SDK1: variants seen among roughly 807,000 people sequenced by gnomAD.
SDK1 encodes sidekick cell adhesion molecule 1, also known as protein sidekick-1.
A neutral mutation model predicts 245.5 loss-of-function variants in SDK1; 157 were observed. That is an observed-to-expected ratio of 0.64 (90% CI 0.56 to 0.73). SDK1 has a LOEUF of 0.73. Ranked by LOEUF, SDK1 falls within the 30% of genes least tolerant of loss-of-function variation. The pLI is 0.00. For synonymous variants in SDK1, 1,647 were observed against 1,278.5 expected (o/e 1.29, Z -6.15); for missense variants, 3,583 against 3,002.3 (o/e 1.19, Z -4.52).
intron 1 of SDK1, among the ~76,000 whole-genome samples, chr7:3,561,149 C>T (rs1203249403): frequency 6.6e-6 from 1 of 152,106 alleles, no homozygotes; most frequent in Non-Finnish European, 1.5e-5. Flanking sequence ...CACCTGTTAC[C>T]TAAGAGACCT....
At chr7:3,925,540 C>T (rs995172927) in intron 5 of SDK1, among the ~76,000 whole-genome samples, 6 of 152,156 alleles carry the variant, frequency 3.9e-5, no homozygotes, top group African/African-American at 9.7e-5. Flanking sequence ...GACAGATGAA[C>T]GCATGCAGGA....
At chr7:3,396,512 G>C (rs1266979924) in intron 1 of SDK1, among the ~76,000 whole-genome samples, 1 of 151,558 alleles carries the variant, frequency 6.6e-6, no homozygotes, top group African/African-American at 2.4e-5. Context: ...CTTTAATTTT[G>C]TCAGTTTTAG....
At chr7:4,070,550 T>C (rs375471359) in intron 20 of SDK1, among the ~76,000 whole-genome samples, 82 of 152,148 alleles carry the variant, frequency 5.4e-4, no homozygotes, top group African/African-American at 1.8e-3. Flanking sequence ...GTGACCTCTT[T>C]CTACACAGAA....
rs532791231 is a variant in SDK1 at position 3,997,952 on chromosome 7, C to A, written c.2131+10630C>A. ...AGCAGTGAGAGCAGGCACTTCCAAG[C>A]CTGCGAGGGCAGGGGGTCTTCCTGG... On this transcript the variant is annotated intron_variant, in intron 14 of 44. Transcript: ENST00000404826. Among the ~76,000 whole-genome samples the A allele has an allele frequency of 7.9e-5, 12 of 152,348 alleles. No homozygotes were observed. The South Asian group carries it at 2.5e-3, about 32-fold the overall frequency.
chr7:4,141,117 A>G (rs974891050), intron 28 of SDK1, among the ~76,000 whole-genome samples: 1 of 152,334 alleles, frequency 6.6e-6, no homozygotes, highest in Non-Finnish European at 1.5e-5. Context: ...AACCCGAGGC[A>G]GTGTATCCTC....
At chr7:4,103,772 T>C (rs897092013) in intron 22 of SDK1, among the ~76,000 whole-genome samples, 4 of 152,176 alleles carry the variant, frequency 2.6e-5, no homozygotes, top group Admixed American at 6.5e-5. Context: ...TGATGACACA[T>C]GTGGTGAGAG....
At chr7:4,221,404 G>A (rs562518258) in intron 40 of SDK1, 40 bp downstream of exon 40, 108 of 1,565,452 alleles carry the variant, frequency 6.9e-5, no homozygotes, top group Middle Eastern at 3.6e-4. Flanking sequence ...TCAGCCCAGC[G>A]GACGGCAGTG....
intron 4 of SDK1, among the ~76,000 whole-genome samples, chr7:3,678,465 G>T (rs958445095): frequency 7.9e-5 from 12 of 152,316 alleles, no homozygotes; most frequent in Non-Finnish European, 1.5e-4. Context: ...GAAAAATGCT[G>T]CATCACGTGG....
intron 4 of SDK1, among the ~76,000 whole-genome samples, chr7:3,663,024 A>C (rs549326432): frequency 2.6e-5 from 4 of 152,366 alleles, no homozygotes; most frequent in African/African-American, 9.6e-5. Context: ...GTGTATGCAT[A>C]TATGTGTGTA....
At position 3,529,718 on chromosome 7, in the gene SDK1, T is replaced by C. The variant is rs368721584; in HGVS notation, c.299-89362T>C. Among the ~76,000 whole-genome samples the C allele has an allele frequency of 6.3e-4, 96 of 152,242 alleles. 3 individuals carry two copies. In the South Asian group the frequency reaches 0.02, roughly 31 times the overall value. On this transcript the variant is annotated intron_variant, in intron 1 of 44. Coordinates refer to ENST00000404826, the MANE Select transcript of SDK1 (RefSeq NM_152744.4). ...AGGATGTTTGATGAGAAACAGAATA[T>C]TGATGTAGTCTTGAGATATCTCCCC...
intron 4 of SDK1, among the ~76,000 whole-genome samples, chr7:3,680,624 T>G (rs1419834881): frequency 6.6e-6 from 1 of 152,180 alleles, no homozygotes; most frequent in Non-Finnish European, 1.5e-5. Context: ...TATCTTCTTA[T>G]GAATTATTAT....
intron 22 of SDK1, among the ~76,000 whole-genome samples, chr7:4,098,724 C>T (rs1782328857): frequency 6.6e-6 from 1 of 151,454 alleles, no homozygotes; most frequent in South Asian, 2.1e-4. Flanking sequence ...AGTGCAGTGG[C>T]ACAATCTTGG....
At chr7:3,893,955 A>G (rs1429260348) in intron 5 of SDK1, among the ~76,000 whole-genome samples, 2 of 152,180 alleles carry the variant, frequency 1.3e-5, no homozygotes, top group African/African-American at 2.4e-5. Flanking sequence ...ACTGCCTGTG[A>G]TGTCCCTGCT....
Position 4,004,752 on chromosome 7 carries a change from T to A in SDK1, c.2132-6214T>A, listed in dbSNP as rs1426320675. 2.0e-5 allele frequency among the ~76,000 whole-genome samples: 3 copies of A among 152,220 alleles called. No individual in the cohort carries two copies. In the East Asian group the frequency reaches 5.8e-4, roughly 29 times the overall value. On this transcript the variant is annotated intron_variant, in intron 14 of 44. Coordinates refer to ENST00000404826, the MANE Select transcript of SDK1 (RefSeq NM_152744.4). ...TCAGTAAGCAGTTCAAAAAGTTGAT[T>A]ACACCTAACAAAATTAATAGTAGTC...
chr7:3,730,581 C>A (rs1779147923), intron 4 of SDK1, among the ~76,000 whole-genome samples: 1 of 152,076 alleles, frequency 6.6e-6, no homozygotes, highest in Non-Finnish European at 1.5e-5. Context: ...GTCCTGGCAG[C>A]AGGACTGAGA....
Position 3,724,385 on chromosome 7 carries a change from C to A in SDK1, c.713+82280C>A, listed in dbSNP as rs978504489. Among the ~76,000 whole-genome samples the A allele has an allele frequency of 2.6e-5, 4 of 151,920 alleles. No homozygotes were observed. In the East Asian group the frequency reaches 5.9e-4, roughly 22 times the overall value. On this transcript the variant is annotated intron_variant, in intron 4 of 44. Transcript: ENST00000404826. ...CCCAGGAGTTTGAGACCAGCCTGGG[C>A]AACATAGTGAGACCCTGTCTGTACA... is the stretch of plus-strand genomic sequence containing the variant.
At chr7:4,068,113 G>A (rs940829431) in intron 20 of SDK1, among the ~76,000 whole-genome samples, 177 bp downstream of exon 20, 2 of 152,202 alleles carry the variant, frequency 1.3e-5, no homozygotes, top group African/African-American at 2.4e-5. Flanking sequence ...CTGCCCCAGT[G>A]AGAGCCAGCC....
intron 4 of SDK1, among the ~76,000 whole-genome samples, chr7:3,716,978 T>C (rs1213945567): frequency 6.6e-6 from 1 of 152,120 alleles, no homozygotes; most frequent in Non-Finnish European, 1.5e-5. Flanking sequence ...TCCTAAATTA[T>C]ATTTGAAGTT....
At chr7:3,547,090 C>T (rs1295780275) in intron 1 of SDK1, among the ~76,000 whole-genome samples, 2 of 151,908 alleles carry the variant, frequency 1.3e-5, no homozygotes, top group African/African-American at 4.8e-5. Context: ...GGTGTGTGAC[C>T]TTGTCTACAC....
Sources: allele counts gnomAD v4.1 joint callset (sites outside exome capture counted in the v4.1 genomes callset), GRCh38; gene constraint gnomAD v4.1.1; transcripts MANE v1.5; gene names NCBI Gene and HGNC (gene_info 2026-07-23, HGNC 2026-07-21).